Variants in PRELID2 observed in about 807,000 individuals in gnomAD.
PRELID2 encodes PRELI domain containing 2.
In PRELID2, 25 loss-of-function variants were observed where a neutral mutation model predicts 28.4. The observed-to-expected ratio is 0.88, with a 90% CI of 0.64 to 1.23. The LOEUF (loss-of-function observed/expected upper bound fraction) is 1.23, where lower values mean the gene tolerates loss of function less well. Among genes scored for constraint, PRELID2 ranks in the 50% most tolerant of loss-of-function variants. The pLI is 0.00. For missense variants in PRELID2, 201 were observed against 214.4 expected (o/e 0.94, Z 0.39); for synonymous variants, 76 against 71.6 (o/e 1.06, Z -0.31).
chr5:145,306,715 T>G, the PRELID2 span, among the ~76,000 whole-genome samples: 4 of 152,052 alleles, frequency 2.6e-5, no homozygotes, highest in African/African-American at 9.7e-5. Flanking sequence ...ACTAGTGATT[T>G]TTCTGAAAGT....
the PRELID2 span, among the ~76,000 whole-genome samples, chr5:145,303,192 A>T: frequency 6.6e-6 from 1 of 152,288 alleles, no homozygotes; most frequent in Middle Eastern, 3.4e-3. Flanking sequence ...AAAAAGTAGG[A>T]GAGTGATAAA....
At chr5:145,705,673 T>C (rs191108325) in intron 1 of PRELID2, among the ~76,000 whole-genome samples, 1 of 152,316 alleles carries the variant, frequency 6.6e-6, no homozygotes, top group African/African-American at 2.4e-5. Context: ...TTTTAGGTTT[T>C]GTAGGCCATA....
the PRELID2 span, among the ~76,000 whole-genome samples, chr5:145,335,772 C>T: frequency 6.6e-6 from 1 of 152,202 alleles, no homozygotes; most frequent in Non-Finnish European, 1.5e-5. Flanking sequence ...TTGCATAGTC[C>T]TTTGGGTATA....
At chr5:145,373,993 G>A in the PRELID2 span, among the ~76,000 whole-genome samples, 2 of 145,582 alleles carry the variant, frequency 1.4e-5, no homozygotes, top group African/African-American at 5.0e-5. Context: ...AATAAAGTTA[G>A]TATTATTATG....
chr5:145,394,949 G>T, the PRELID2 span, among the ~76,000 whole-genome samples: 1 of 152,010 alleles, frequency 6.6e-6, no homozygotes, highest in African/African-American at 2.4e-5. Context: ...TCATCATCAT[G>T]GTTATTACGT....
chr5:145,355,234 G>C, the PRELID2 span, among the ~76,000 whole-genome samples: 1 of 151,872 alleles, frequency 6.6e-6, no homozygotes, highest in Non-Finnish European at 1.5e-5. Flanking sequence ...AAAATACAAG[G>C]GGTAAAAATA....
chr5:145,256,436 G>A, the PRELID2 span, among the ~76,000 whole-genome samples: 1 of 151,802 alleles, frequency 6.6e-6, no homozygotes, highest in Non-Finnish European at 1.5e-5. Flanking sequence ...ATTACATTGG[G>A]TTCACCCAGT....
the PRELID2 span, among the ~76,000 whole-genome samples, chr5:145,284,437 C>T: frequency 1.3e-5 from 2 of 152,050 alleles, no homozygotes; most frequent in African/African-American, 4.8e-5. Flanking sequence ...TTTCATCAGT[C>T]ACAGCCGGGC....
At chr5:145,265,196 C>T in the PRELID2 span, among the ~76,000 whole-genome samples, 2 of 151,846 alleles carry the variant, frequency 1.3e-5, no homozygotes, top group African/African-American at 4.8e-5. Flanking sequence ...CAACTCATCA[C>T]CTTTTACCAT....
chr5:145,464,083 A>G, the PRELID2 span, among the ~76,000 whole-genome samples: 1 of 152,172 alleles, frequency 6.6e-6, no homozygotes, highest in Non-Finnish European at 1.5e-5. Context: ...TGTGTCACAT[A>G]TTAAAGATAT....
At chr5:145,696,128 C>T (rs7717960) in intron 1 of PRELID2, among the ~76,000 whole-genome samples, 174 of 137,542 alleles carry the variant, frequency 1.3e-3, no homozygotes, top group African/African-American at 4.1e-3. Flanking sequence ...AGTATAGTTT[C>T]TGGCACATAG....
intron 1 of PRELID2, among the ~76,000 whole-genome samples, chr5:145,628,183 A>G: frequency 6.9e-6 from 1 of 144,122 alleles, no homozygotes; most frequent in African/African-American, 2.8e-5. Flanking sequence ...AGGTTCTGTT[A>G]AGCATACATA....
intron 1 of PRELID2, among the ~76,000 whole-genome samples, chr5:145,829,593 C>G (rs1269857022): frequency 6.6e-6 from 1 of 152,150 alleles, no homozygotes; most frequent in Non-Finnish European, 1.5e-5. Flanking sequence ...GAAATCGAGG[C>G]ACAGAAAAAT....
At chr5:145,611,657 A>G (rs571856741) in intron 1 of PRELID2, among the ~76,000 whole-genome samples, 3 of 152,348 alleles carry the variant, frequency 2.0e-5, no homozygotes, top group Admixed American at 6.5e-5. Context: ...GAAAGAATAT[A>G]CTATTATCAG....
chr5:145,641,455 C>T (rs1754105110), intron 1 of PRELID2, among the ~76,000 whole-genome samples: 2 of 152,132 alleles, frequency 1.3e-5, no homozygotes, highest in African/African-American at 4.8e-5. Flanking sequence ...ACACTAATGA[C>T]AAAAAAATGT....
chr5:145,240,673 G>A, the PRELID2 span, among the ~76,000 whole-genome samples: 1 of 151,980 alleles, frequency 6.6e-6, no homozygotes, highest in Admixed American at 6.6e-5. Context: ...TTTAAAAACC[G>A]GTAGAATTGC....
intron 1 of PRELID2, among the ~76,000 whole-genome samples, chr5:145,736,431 T>C (rs994865025): frequency 1.3e-5 from 2 of 152,164 alleles, no homozygotes; most frequent in African/African-American, 4.8e-5. Flanking sequence ...CCTCAAGTGA[T>C]ATTAGCCTCA....
the PRELID2 span, among the ~76,000 whole-genome samples, chr5:145,366,059 C>T: frequency 1.3e-5 from 2 of 151,890 alleles, no homozygotes; most frequent in Non-Finnish European, 2.9e-5. Context: ...CTCCCTACCT[C>T]AATCTGCCTG....
chr5:145,515,505 C>A (rs1384217485), intron 1 of PRELID2, among the ~76,000 whole-genome samples: 1 of 152,064 alleles, frequency 6.6e-6, no homozygotes, highest in East Asian at 1.9e-4. Context: ...TAATTAATAG[C>A]CTACCAAACA....
Sources: gnomAD v4.1 joint callset for allele counts (sites outside exome capture counted in the v4.1 genomes callset) on GRCh38, gnomAD v4.1.1 for gene constraint, MANE v1.5 for transcripts, NCBI Gene and HGNC (gene_info 2026-07-23, HGNC 2026-07-21) for gene names.